ZMYND8: variants seen among roughly 807,000 people sequenced by gnomAD.
The protein encoded by ZMYND8 is zinc finger MYND-type containing 8, also known as MYND-type zinc finger-containing chromatin reader ZMYND8.
In ZMYND8, 37 loss-of-function variants were observed where a neutral mutation model predicts 140.8. The ratio of observed to expected loss-of-function variants is 0.26; its 90% CI spans 0.20 to 0.35. The LOEUF is 0.35. Ranked by LOEUF, ZMYND8 falls within the 10% of genes least tolerant of loss-of-function variation. ZMYND8 has a pLI of 1.00. For synonymous variants in ZMYND8, 592 were observed against 597.1 expected, an observed-to-expected ratio of 0.99 and a Z score of 0.12; for missense variants, 1,068 against 1,570.0, an observed-to-expected ratio of 0.68 and a Z score of 5.40.
intron 11 of ZMYND8, among the ~76,000 whole-genome samples, chr20:47,270,239 T>TA (rs879300192): frequency 9.7e-4 from 132 of 136,756 alleles, no homozygotes; most frequent in East Asian, 1.5e-3. Flanking sequence ...CCCTGTCTCT[T>TA]AAAAAAAAAA....
chr20:47,334,605 A>AAATATAT (rs773739583), intron 2 of ZMYND8, among the ~76,000 whole-genome samples: 4 of 141,724 alleles, frequency 2.8e-5, no homozygotes, highest in African/African-American at 1.1e-4. Context: ...GAAAAAAAAA[A>AAATATAT]ATATATATAT....
chr20:47,336,609 T>C (rs189010865), intron 2 of ZMYND8, among the ~76,000 whole-genome samples: 1 of 152,296 alleles, frequency 6.6e-6, no homozygotes, highest in African/African-American at 2.4e-5. Flanking sequence ...GACTCACGCA[T>C]GGTGAGGCCA....
intron 2 of ZMYND8, among the ~76,000 whole-genome samples, chr20:47,342,864 AAAAG>A (rs1002684104): frequency 6.0e-5 from 9 of 150,328 alleles, no homozygotes; most frequent in Admixed American, 1.3e-4. Flanking sequence ...AAAAAAAAAG[AAAAG>A]AAAGAAAGAA....
In ZMYND8 at chr20:47,224,311, C is replaced by G; in HGVS notation, c.3256+6G>C. The stretch of plus-strand genomic sequence containing the variant: ...CAGGACGGGAGGCAGCCCCACAGGG[C>G]ATTACCTGACTGGGTGCAGGACTTC... On this transcript the variant is annotated splice_donor_region_variant and intron_variant, in intron 19 of 22. Coordinates refer to ENST00000471951, the MANE Select transcript of ZMYND8 (RefSeq NM_001281775.3). 1 of 1,614,182 alleles carries G rather than the reference C, an allele frequency of 6.2e-7. No individual in the cohort carries two copies. Among genetic ancestry groups the G allele is most frequent in the Non-Finnish European group, 8.5e-7 (1 of 1,179,994 alleles).
At chr20:47,312,109 G>A (rs1050989463) in intron 2 of ZMYND8, among the ~76,000 whole-genome samples, 1 of 152,148 alleles carries the variant, frequency 6.6e-6, no homozygotes. Context: ...TGTGAAATCT[G>A]CGAAGATGTC....
intron 11 of ZMYND8, among the ~76,000 whole-genome samples, chr20:47,268,192 A>G (rs947275424): frequency 1.3e-5 from 2 of 151,918 alleles, no homozygotes; most frequent in African/African-American, 4.8e-5. Flanking sequence ...GGTCGCAGTG[A>G]GTCTCGACTG....
chr20:47,252,718 A>G (rs543489240), intron 12 of ZMYND8, among the ~76,000 whole-genome samples: 1 of 152,296 alleles, frequency 6.6e-6, no homozygotes, highest in South Asian at 2.1e-4. Flanking sequence ...CTCACATTTG[A>G]GACCAGCCTG....
At position 47,247,772 on chromosome 20, in the gene ZMYND8, G is replaced by A. The variant is rs1354622270; in HGVS notation, c.1775-1255C>T. Among the ~76,000 whole-genome samples the A allele has an allele frequency of 6.6e-5, 10 of 152,338 alleles. No individual in the cohort carries two copies. In the East Asian group the frequency reaches 1.7e-3, roughly 26 times the overall value. On this transcript the variant is annotated intron_variant, in intron 13 of 22. Coordinates refer to ENST00000471951, the MANE Select transcript of ZMYND8 (RefSeq NM_001281775.3). Reference sequence around the variant, plus strand: ...GAACAGCCCGGGGCATGGGGGATCAGCTGGATCATTGGGGAATGTATCTGC... The same window carrying A: ...GAACAGCCCGGGGCATGGGGGATCAACTGGATCATTGGGGAATGTATCTGC...
Position 47,265,938 on chromosome 20 carries a change from TTGGTTTCCCATGGAGA to T in ZMYND8, c.1481-3526_1481-3511del, listed in dbSNP as rs1049008064. 3.3e-5 allele frequency among the ~76,000 whole-genome samples: 5 copies of T among 150,932 alleles called. 1 individual carries two copies. The highest frequency in any genetic ancestry group is 1.2e-4 in the African/African-American group (5 of 40,288). On this transcript the variant is annotated intron_variant, in intron 11 of 22. Coordinates refer to ENST00000471951, the MANE Select transcript of ZMYND8 (RefSeq NM_001281775.3). ...CAAGAATAAGGGTGTCAGGAAAACA[TTGGTTTCCCATGGAGA>T]TGGGTCTGGTTCACACTCTACCCAG...
rs1383849098 is a variant in ZMYND8 at position 47,270,395 on chromosome 20, T to TC, written c.1480+5918_1480+5919insG. Among the ~76,000 whole-genome samples, 1,408 of 145,986 alleles carry TC rather than the reference T, an allele frequency of 9.6e-3. 30 individuals carry two copies. Among genetic ancestry groups the TC allele is most frequent in the African/African-American group, 0.034 (1,352 of 39,340 alleles). On this transcript the variant is annotated intron_variant, in intron 11 of 22. Coordinates refer to ENST00000471951, the MANE Select transcript of ZMYND8 (RefSeq NM_001281775.3). The stretch of plus-strand genomic sequence containing the variant: ...TCTCAAAAAAAAAAAAAAAAAAAGT[T>TC]TTTTTAATGTATAAAAATAAAAAAT...
At chr20:47,239,373 C>T (rs2039661274) in intron 14 of ZMYND8, among the ~76,000 whole-genome samples, 1 of 152,250 alleles carries the variant, frequency 6.6e-6, no homozygotes, top group Non-Finnish European at 1.5e-5. Flanking sequence ...CGCCGGCCCA[C>T]ATCTGAGATA....
chr20:47,335,307 A>AT (rs369173617), intron 2 of ZMYND8, among the ~76,000 whole-genome samples: 74 of 150,076 alleles, frequency 4.9e-4, no homozygotes, highest in Middle Eastern at 6.9e-3. Flanking sequence ...CAATAAAGGT[A>AT]TTTTTTTTTT....
chr20:47,219,587 TTGAA>T (rs895422986), intron 21 of ZMYND8, among the ~76,000 whole-genome samples: 11 of 151,120 alleles, frequency 7.3e-5, no homozygotes, highest in African/African-American at 2.4e-4. Context: ...GGCAAAAACC[TTGAA>T]TGAAGTAAAA....
chr20:47,256,923 C>A (rs2074776894), intron 12 of ZMYND8, among the ~76,000 whole-genome samples: 1 of 152,156 alleles, frequency 6.6e-6, no homozygotes. Context: ...AACAGGACTA[C>A]TGACTGCTGA....
At chr20:47,270,277 G>A (rs1328599166) in intron 11 of ZMYND8, among the ~76,000 whole-genome samples, 1 of 149,818 alleles carries the variant, frequency 6.7e-6, no homozygotes, top group Admixed American at 6.7e-5. Flanking sequence ...GGAGGCTGAG[G>A]CAGGAGAATC....
chr20:47,269,876 T>G (rs1427077370), intron 11 of ZMYND8, among the ~76,000 whole-genome samples: 3 of 152,208 alleles, frequency 2.0e-5, no homozygotes. Flanking sequence ...CCAGATGGTC[T>G]AGGATGGGTC....
chr20:47,322,392 A>G (rs993586784), intron 2 of ZMYND8, among the ~76,000 whole-genome samples: 1 of 151,688 alleles, frequency 6.6e-6, no homozygotes, highest in African/African-American at 2.4e-5. Flanking sequence ...GTTTACTGAG[A>G]AGCTACAAAC....
chr20:47,283,507 C>G, intron 9 of ZMYND8, 64 bp downstream of exon 9: 1 of 1,556,530 alleles, frequency 6.4e-7, no homozygotes, highest in Non-Finnish European at 8.9e-7. Flanking sequence ...AAAAAGCTGT[C>G]TCAGGGTAGT....
At chr20:47,320,552 C>CAAT (rs2079854892) in intron 2 of ZMYND8, 1 of 152,422 alleles carries the variant, frequency 6.6e-6, no homozygotes, top group East Asian at 1.9e-4. Flanking sequence ...AATCCTGTCT[C>CAAT]TATTAAAAAT....
Sources: allele counts gnomAD v4.1 joint callset (sites outside exome capture counted in the v4.1 genomes callset), GRCh38; gene constraint gnomAD v4.1.1; transcripts MANE v1.5; gene names NCBI Gene and HGNC (gene_info 2026-07-23, HGNC 2026-07-21).